Variants in COL28A1 observed in about 807,000 individuals in gnomAD.
COL28A1 encodes collagen alpha-1(XXVIII) chain.
Under a neutral mutation model 150.2 loss-of-function variants are expected in COL28A1, and 161 were observed. The observed-to-expected ratio is 1.07, with a 90% CI of 0.94 to 1.22. The LOEUF (loss-of-function observed/expected upper bound fraction) is 1.22. COL28A1 is among the 50% of genes most tolerant of loss of function. The pLI, the probability that COL28A1 is intolerant of heterozygous loss-of-function variation, is 0.00. For missense variants in COL28A1, 1,617 were observed against 1,388.3 expected, an observed-to-expected ratio of 1.16 and a Z score of -2.62; for synonymous variants, 552 against 469.7, an observed-to-expected ratio of 1.18 and a Z score of -2.26.
intron 25 of COL28A1, among the ~76,000 whole-genome samples, chr7:7,429,177 G>A (rs75191139): frequency 0.017 from 2,595 of 152,254 alleles, 52 homozygotes; most frequent in African/African-American, 0.051. Context: ...AAGCTTAAAT[G>A]AAAAACATAT....
At position 7,374,054 on chromosome 7, in the gene COL28A1, T is replaced by TATATATA. The variant is rs1310987233; in HGVS notation, c.2360-515_2360-509dup. ...AAAAAAAAAAATATATATATATATA[T>TATATATA]ATATATACTTGGAAAAACACCGTAG... is the stretch of plus-strand genomic sequence containing the variant. On this transcript the variant is annotated intron_variant, in intron 31 of 34. Coordinates refer to ENST00000399429, the MANE Select transcript of COL28A1 (RefSeq NM_001037763.3). 6.8e-3 allele frequency among the ~76,000 whole-genome samples: 975 copies of TATATATA among 142,430 alleles called. 17 individuals are homozygous for TATATATA. The highest frequency in any genetic ancestry group is 0.025 in the African/African-American group (904 of 36,810). The allele number at this position is 142,430 out of a possible 152,430, so 93.4% of individuals were successfully genotyped here. A position where few individuals can be genotyped will look rare whatever the true frequency, so the allele number is the denominator to read the frequency against.
In COL28A1 at chr7:7,481,040, T is replaced by C. The variant is rs1228707419; in HGVS notation, c.1165-3860A>G. On this transcript the variant is annotated intron_variant, in intron 13 of 34. Transcript: ENST00000399429. ...GCCATCATTATCCAAATTATTTTAC[T>C]TGAGTCCTGTAATTGCTAAGAATGT... is the stretch of plus-strand genomic sequence containing the variant. Among the ~76,000 whole-genome samples the C allele has an allele frequency of 3.3e-5, 5 of 152,256 alleles. No individual in the cohort carries two copies. The South Asian group carries it at 8.3e-4, about 25-fold the overall frequency.
chr7:7,353,570 T>C (rs147611189), downstream of COL28A1, among the ~76,000 whole-genome samples: 2 of 152,274 alleles, frequency 1.3e-5, no homozygotes, highest in Non-Finnish European at 1.5e-5. Context: ...TTGAGACCTG[T>C]GCCTCAGCCA....
chr7:7,402,491 G>A lies in COL28A1; in HGVS notation c.2136+15368C>T, dbSNP rs1311282032. The stretch of plus-strand genomic sequence containing the variant: ...AAATGAGAGACTGCATGTAGTAATT[G>A]TATCATATTTAAAGAAAATTGCTTT... On this transcript the variant is annotated intron_variant, in intron 27 of 34. Transcript: ENST00000399429. 2.6e-5 allele frequency among the ~76,000 whole-genome samples: 4 copies of A among 151,960 alleles called. No individual in the cohort carries two copies. In the South Asian group the frequency reaches 6.2e-4, roughly 24 times the overall value.
intron 20 of COL28A1, 126 bp downstream of exon 20, chr7:7,443,459 C>T (rs1480103066): frequency 1.1e-5 from 15 of 1,414,320 alleles, no homozygotes; most frequent in Non-Finnish European, 1.4e-5. Context: ...AGACAGTATT[C>T]ATACTTTTAA....
intron 13 of COL28A1, among the ~76,000 whole-genome samples, chr7:7,478,245 T>C (rs945485054): frequency 2.2e-4 from 34 of 152,022 alleles, no homozygotes; most frequent in African/African-American, 6.5e-4. Flanking sequence ...AGAGTGCTGA[T>C]TGGTGTATTC....
intron 4 of COL28A1, among the ~76,000 whole-genome samples, chr7:7,523,410 G>A (rs1189838132): frequency 6.6e-6 from 1 of 151,634 alleles, no homozygotes; most frequent in Non-Finnish European, 1.5e-5. Flanking sequence ...CACCTGCCTC[G>A]GCCTCCCAAA....
At chr7:7,444,597 C>T in intron 18 of COL28A1, 108 bp from the exon 19 acceptor site, 1 of 1,052,856 alleles carries the variant, frequency 9.5e-7, no homozygotes, top group Non-Finnish European at 1.4e-6. Context: ...CGAGAAATCT[C>T]ATTAGCAATT....
intron 27 of COL28A1, among the ~76,000 whole-genome samples, chr7:7,410,604 G>A (rs1007177985): frequency 2.0e-5 from 3 of 151,088 alleles, no homozygotes; most frequent in Non-Finnish European, 2.9e-5. Context: ...CAACTTGAAT[G>A]CAGTGATTTT....
chr7:7,363,747 AT>A (rs1289914493), intron 33 of COL28A1, among the ~76,000 whole-genome samples: 3 of 152,126 alleles, frequency 2.0e-5, no homozygotes, highest in Non-Finnish European at 2.9e-5. Flanking sequence ...ATTTTAAAAA[AT>A]ATACTATATT....
intron 24 of COL28A1, 29 bp downstream of exon 24, chr7:7,432,603 G>T (rs1785052058): frequency 6.2e-7 from 1 of 1,612,480 alleles, no homozygotes; most frequent in African/African-American, 1.3e-5. Flanking sequence ...TCAAAAAGGA[G>T]GGAGGGAAGA....
chr7:7,356,430 G>A (rs986429671), downstream of COL28A1: 5 of 152,176 alleles, frequency 3.3e-5, no homozygotes, highest in Non-Finnish European at 5.9e-5. Flanking sequence ...CATTCTCTAG[G>A]TGATGTGTTC....
At chr7:7,508,723 C>G (rs143569440) in intron 9 of COL28A1, among the ~76,000 whole-genome samples, 2 of 152,112 alleles carry the variant, frequency 1.3e-5, no homozygotes, top group African/African-American at 2.4e-5. Context: ...GCTCTGTTGC[C>G]CAGGCTGGAG....
chr7:7,437,549 G>A, intron 21 of COL28A1, 87 bp from the exon 22 acceptor site: 2 of 1,484,844 alleles, frequency 1.3e-6, no homozygotes, highest in Non-Finnish European at 1.8e-6. Context: ...AATGTCTGCA[G>A]ATTTTTAAAT....
rs113132563 is a variant in COL28A1, at chr7:7,364,695, C to G, written c.3067-4167G>C. 1.4e-3 allele frequency among the ~76,000 whole-genome samples: 211 copies of G among 152,232 alleles called. 1 individual carries two copies. The highest frequency in any genetic ancestry group is 4.0e-3 in the African/African-American group (168 of 41,540). On this transcript the variant is annotated intron_variant, in intron 33 of 34. Transcript: ENST00000399429. Reference sequence around the variant, plus strand: ...GTCTAATTTACAAGGCCTTACCTAGCTAATAACCCTAAGATGGGTAGAGGA... The same window carrying G: ...GTCTAATTTACAAGGCCTTACCTAGGTAATAACCCTAAGATGGGTAGAGGA...
chr7:7,527,504 G>A (rs1782094006), intron 3 of COL28A1, among the ~76,000 whole-genome samples: 1 of 152,178 alleles, frequency 6.6e-6, no homozygotes, highest in South Asian at 2.1e-4. Flanking sequence ...TAAAGGGAGT[G>A]GATGGAAGGG....
chr7:7,338,472 T>C, the COL28A1 span, among the ~76,000 whole-genome samples: 1 of 152,104 alleles, frequency 6.6e-6, no homozygotes, highest in East Asian at 1.9e-4. Flanking sequence ...TAGGATTGTG[T>C]TCTTGATTTG....
At chr7:7,506,159 C>T (rs1780798378) in intron 10 of COL28A1, 92 bp from the exon 11 acceptor site, 4 of 767,490 alleles carry the variant, frequency 5.2e-6, no homozygotes, top group East Asian at 2.5e-5. Flanking sequence ...TCCTGGCGAT[C>T]GAAGTTAGAC....
chr7:7,412,994 CA>C (rs1783871390), intron 27 of COL28A1, among the ~76,000 whole-genome samples: 1 of 152,036 alleles, frequency 6.6e-6, no homozygotes, highest in Non-Finnish European at 1.5e-5. Flanking sequence ...CCTTACACCA[CA>C]GAGGTCAGAA....
Sources: gnomAD v4.1 joint callset for allele counts (sites outside exome capture counted in the v4.1 genomes callset) on GRCh38, gnomAD v4.1.1 for gene constraint, MANE v1.5 for transcripts, NCBI Gene and HGNC (gene_info 2026-07-23, HGNC 2026-07-21) for gene names.